The following SMCHD1 variants were observed in gnomAD, a reference collection of about 807,000 sequenced individuals.
SMCHD1 encodes the protein structural maintenance of chromosomes flexible hinge domain containing 1.
Under a neutral mutation model 254.7 loss-of-function variants are expected in SMCHD1, and 78 were observed. The ratio of observed to expected loss-of-function variants is 0.31; its 90% CI spans 0.26 to 0.37. The LOEUF (loss-of-function observed/expected upper bound fraction) is 0.37. Ranked by LOEUF, SMCHD1 falls within the 10% of genes least tolerant of loss-of-function variation. The pLI, the probability that SMCHD1 is intolerant of heterozygous loss-of-function variation, is 1.00. For missense variants in SMCHD1, 1,840 were observed against 2,408.1 expected, an observed-to-expected ratio of 0.76 and a Z score of 4.94; for synonymous variants, 766 against 794.9, an observed-to-expected ratio of 0.96 and a Z score of 0.61.
At chr18:2,697,196 TA>T in intron 9 of SMCHD1, 74 bp downstream of exon 9, 2 of 663,684 alleles carry the variant, frequency 3.0e-6, no homozygotes, top group Non-Finnish European at 4.8e-6. Context: ...CTCAGGATAA[TA>T]AAAAACACTT....
At chr18:2,740,357 T>A (rs1047681752) in intron 27 of SMCHD1, among the ~76,000 whole-genome samples, 2 of 152,146 alleles carry the variant, frequency 1.3e-5, no homozygotes, top group African/African-American at 2.4e-5. Flanking sequence ...GGTTAAAAAA[T>A]TCTTTTTTAA....
chr18:2,681,839 T>C (rs1285933184), intron 5 of SMCHD1, among the ~76,000 whole-genome samples: 1 of 152,130 alleles, frequency 6.6e-6, no homozygotes, highest in African/African-American at 2.4e-5. Context: ...GGCTCTCAAC[T>C]CAGAGCCATT....
At chr18:2,707,784 T>C in intron 16 of SMCHD1, 23 bp from the exon 17 acceptor site, 1 of 1,567,430 alleles carries the variant, frequency 6.4e-7, no homozygotes, top group East Asian at 2.2e-5. Context: ...GTAATTAAGA[T>C]ACTTTTAATT....
intron 45 of SMCHD1, 175 bp downstream of exon 45, chr18:2,784,796 G>A: frequency 1.4e-6 from 1 of 703,162 alleles, no homozygotes; most frequent in Non-Finnish European, 2.5e-6. Flanking sequence ...GTAGTTTAGA[G>A]TTATGTAAAT....
intron 45 of SMCHD1, among the ~76,000 whole-genome samples, chr18:2,785,982 A>G (rs1295600735): frequency 6.6e-6 from 1 of 152,010 alleles, no homozygotes; most frequent in Non-Finnish European, 1.5e-5. Context: ...TCTATTTGCA[A>G]CGTTTTGTTT....
chr18:2,691,743 G>C (rs2074184954), intron 7 of SMCHD1: 1 of 152,258 alleles, frequency 6.6e-6, no homozygotes, highest in Non-Finnish European at 1.5e-5. Context: ...GGAATCTGAA[G>C]TTATCCTGGA....
Position 2,688,752 on chromosome 18 carries a change from A to G in SMCHD1, c.873+5A>G. ...GGATATATTAGAAACAGAAAGGTACAATACATTTTAACTCATAATTATAAA... is the reference window on the plus strand; with the variant it reads ...GGATATATTAGAAACAGAAAGGTACGATACATTTTAACTCATAATTATAAA... On this transcript the variant is annotated splice_donor_5th_base_variant and intron_variant, in intron 7 of 47. Transcript: ENST00000320876. 2.3e-6 allele frequency: 3 copies of G among 1,293,104 alleles called. No individual in the cohort carries two copies. Among genetic ancestry groups the G allele is most frequent in the South Asian group, 2.8e-5 (2 of 72,300 alleles). 80.1% of individuals were successfully genotyped at this position (1,293,104 alleles called of 1,614,324 possible).
chr18:2,783,277 C>T (rs976700222), intron 44 of SMCHD1, among the ~76,000 whole-genome samples: 1 of 152,102 alleles, frequency 6.6e-6, no homozygotes, highest in Non-Finnish European at 1.5e-5. Flanking sequence ...ATTGCTGAAT[C>T]GTGCAGAATG....
In SMCHD1 at chr18:2,785,186, C is replaced by T. The variant is rs187624337; in HGVS notation, c.5719+565C>T. Among the ~76,000 whole-genome samples the T allele has an allele frequency of 3.8e-4, 58 of 152,256 alleles. 1 individual carries two copies. In the East Asian group the frequency reaches 0.01, roughly 27 times the overall value. On this transcript the variant is annotated intron_variant, in intron 45 of 47. Transcript: ENST00000320876. ...CTGTGCTCTGAAGTGCATATACTTA[C>T]CAGGAAGTCTCCTTACCATCCATTA... is the stretch of plus-strand genomic sequence containing the variant.
intron 30 of SMCHD1, among the ~76,000 whole-genome samples, chr18:2,748,641 C>T (rs910499395): frequency 5.3e-5 from 8 of 151,826 alleles, no homozygotes; most frequent in African/African-American, 1.9e-4. Flanking sequence ...GTGATCCACC[C>T]GCCTTGGTCT....
chr18:2,707,462 T>C, intron 15 of SMCHD1, 101 bp from the exon 16 acceptor site: 2 of 656,524 alleles, frequency 3.0e-6, no homozygotes, highest in Admixed American at 3.2e-5. Context: ...TTTTAAAATA[T>C]ATCAGCAATA....
rs368302235 is a variant in SMCHD1 at position 2,793,531 on chromosome 18, G to A, written c.5720-2418G>A. Among the ~76,000 whole-genome samples, 58 of 152,078 alleles carry A rather than the reference G, an allele frequency of 3.8e-4. 2 individuals carry two copies. Among genetic ancestry groups the A allele is most frequent in the East Asian group, 2.7e-3 (14 of 5,156 alleles). On this transcript the variant is annotated intron_variant, in intron 45 of 47. Coordinates refer to ENST00000320876, the MANE Select transcript of SMCHD1 (RefSeq NM_015295.3). ...ACAAAAAAAATCAGCTGGGTGTGGT[G>A]GCGGGCGCCTGTAGTCCCAGCCACC... is the stretch of plus-strand genomic sequence containing the variant.
In SMCHD1 at chr18:2,674,160, CT is replaced by C. The variant is rs74270564; in HGVS notation, c.638+27del. 0.05 allele frequency: 54,776 copies of C among 1,094,590 alleles called. 5 individuals carry two copies. Among genetic ancestry groups the C allele is most frequent in the South Asian group, 0.084 (4,765 of 56,474 alleles). 67.8% of individuals were successfully genotyped at this position (1,094,590 alleles called of 1,614,324 possible). Reference sequence around the variant, plus strand: ...GACTTTGAAAGGTTAGAAAACCTTACTTTTTTTTTTTTGTGGGTAGCTATGT... The same window carrying C: ...GACTTTGAAAGGTTAGAAAACCTTACTTTTTTTTTTTGTGGGTAGCTATGT... On this transcript the variant is annotated intron_variant, in intron 5 of 47. Coordinates refer to ENST00000320876, the MANE Select transcript of SMCHD1 (RefSeq NM_015295.3).
intron 34 of SMCHD1, chr18:2,760,445 G>T: frequency 2.5e-6 from 1 of 396,950 alleles, no homozygotes; most frequent in Admixed American, 4.5e-5. Context: ...CGTTTATTCT[G>T]GATGTTTTGT....
In SMCHD1 at chr18:2,804,565, C is replaced by A. The variant is rs991158553; in HGVS notation, c.*2013C>A. 1.2e-4 allele frequency: 18 copies of A among 152,072 alleles called. No individual in the cohort carries two copies. Among genetic ancestry groups the A allele is most frequent in the African/African-American group, 4.3e-4 (18 of 41,390 alleles). 9.4% of individuals were successfully genotyped at this position (152,072 alleles called of 1,614,324 possible). On this transcript the variant is annotated 3_prime_UTR_variant, in exon 48 of 48. Coordinates refer to ENST00000320876, the MANE Select transcript of SMCHD1 (RefSeq NM_015295.3). ...AAGAAGGTTTTTAAGTATGAATCTC[C>A]ATTTTTGTGGAGTTTTTCTACCCTG... is the stretch of plus-strand genomic sequence containing the variant.
chr18:2,717,717 T>C (rs2074834012), intron 17 of SMCHD1, among the ~76,000 whole-genome samples: 1 of 152,152 alleles, frequency 6.6e-6, no homozygotes. Context: ...TGACTGCTTT[T>C]CTCTCTCTTT....
chr18:2,729,140 G>C, intron 23 of SMCHD1, 135 bp from the exon 24 acceptor site: 2 of 607,850 alleles, frequency 3.3e-6, no homozygotes, highest in Non-Finnish European at 2.5e-6. Flanking sequence ...TAGAGTTTTA[G>C]TGACTTTTAC....
At chr18:2,749,833 C>T (rs1296054447) in intron 30 of SMCHD1, among the ~76,000 whole-genome samples, 2 of 152,124 alleles carry the variant, frequency 1.3e-5, no homozygotes, top group Non-Finnish European at 1.5e-5. Context: ...TGAAATTGAT[C>T]AAGATGAGTG....
chr18:2,754,211 G>C (rs976746043), intron 34 of SMCHD1, among the ~76,000 whole-genome samples: 2 of 152,086 alleles, frequency 1.3e-5, no homozygotes, highest in Non-Finnish European at 2.9e-5. Context: ...TTTGTGTCCT[G>C]TTTAAGTCTT....
Sources: allele counts gnomAD v4.1 joint callset (sites outside exome capture counted in the v4.1 genomes callset), GRCh38; gene constraint gnomAD v4.1.1; transcripts MANE v1.5; gene names NCBI Gene and HGNC (gene_info 2026-07-23, HGNC 2026-07-21).